Variants in PTPRJ observed in about 807,000 individuals in gnomAD.
PTPRJ encodes the protein protein tyrosine phosphatase receptor type J.
PTPRJ carries 129 observed loss-of-function variants against 141.3 expected under a neutral mutation model. The observed-to-expected ratio is 0.91, with a 90% CI of 0.79 to 1.06. The LOEUF is 1.06. Ranked by LOEUF, PTPRJ falls within the 50% of genes least tolerant of loss-of-function variation. PTPRJ has a pLI of 0.00. For synonymous variants in PTPRJ, 610 were observed against 640.5 expected, an observed-to-expected ratio of 0.95 and a Z score of 0.72; for missense variants, 1,601 against 1,679.7, an observed-to-expected ratio of 0.95 and a Z score of 0.82.
At chr11:48,066,791 G>A (rs1855096093) in intron 1 of PTPRJ, among the ~76,000 whole-genome samples, 1 of 151,770 alleles carries the variant, frequency 6.6e-6, no homozygotes, top group Non-Finnish European at 1.5e-5. Flanking sequence ...TCACCATGTT[G>A]GCCAGGCTCA....
chr11:48,026,439 G>C (rs1343060607), intron 1 of PTPRJ, among the ~76,000 whole-genome samples: 1 of 151,940 alleles, frequency 6.6e-6, no homozygotes, highest in Non-Finnish European at 1.5e-5. Flanking sequence ...CTGTCTTCCT[G>C]CTGTGGCCAT....
At chr11:47,998,462 A>G (rs1323277878) in intron 1 of PTPRJ, among the ~76,000 whole-genome samples, 1 of 152,182 alleles carries the variant, frequency 6.6e-6, no homozygotes, top group African/African-American at 2.4e-5. Flanking sequence ...TATCACGCCC[A>G]TTTTAGAGAT....
At chr11:48,120,675 G>A (rs931040798) in intron 3 of PTPRJ, among the ~76,000 whole-genome samples, 9 of 151,984 alleles carry the variant, frequency 5.9e-5, no homozygotes, top group African/African-American at 1.9e-4. Context: ...CTGACCTCAG[G>A]TGATCCACCC....
intron 4 of PTPRJ, 120 bp downstream of exon 4, chr11:48,121,386 G>A: frequency 9.1e-7 from 1 of 1,102,856 alleles, no homozygotes; most frequent in Non-Finnish European, 1.3e-6. Context: ...TAGAAGAGGA[G>A]AAAAGGTGCT....
chr11:48,144,723 A>G lies in PTPRJ; in HGVS notation c.2624A>G (p.Lys875Arg). Residue 875 changes from lysine to arginine, a missense_variant, in exon 13 of 25, where the codon AAA (lysine) becomes AGA (arginine). Transcript: ENST00000418331. ...CTGAAATACACGTATGAGGATTTCA[A>G]AAAGGGAGCCTCAGATACTTATGTG... ...DVLKYTYEDF[K>R]KGASDTYVTY... 1.2e-6 allele frequency: 2 copies of G among 1,614,182 alleles called. No individual in the cohort carries two copies. The highest frequency in any genetic ancestry group is 2.2e-5 in the East Asian group (1 of 44,882).
At position 48,091,381 on chromosome 11, in the gene PTPRJ, A is replaced by G. The variant is rs1855862705; in HGVS notation, c.97-18677A>G. On this transcript the variant is annotated intron_variant, in intron 1 of 24. Transcript: ENST00000418331. ...CCCTAATATCATTACTATCCCAGAT[A>G]TGCATTTTCTTGTTATTTCCCTGTT... Among the ~76,000 whole-genome samples the G allele has an allele frequency of 2.0e-5, 3 of 152,292 alleles. No individual in the cohort carries two copies. The South Asian group carries it at 6.2e-4, about 32-fold the overall frequency.
chr11:48,089,638 T>C (rs1855815719), intron 1 of PTPRJ, among the ~76,000 whole-genome samples: 1 of 152,226 alleles, frequency 6.6e-6, no homozygotes, highest in Non-Finnish European at 1.5e-5. Flanking sequence ...AAAAATGTGT[T>C]AAAAAATGTA....
At chr11:48,053,151 A>AAT (rs1293299699) in intron 1 of PTPRJ, among the ~76,000 whole-genome samples, 1 of 114,546 alleles carries the variant, frequency 8.7e-6, no homozygotes, top group Non-Finnish European at 1.7e-5. Context: ...TATAAAAATA[A>AAT]ATATATATTA....
At chr11:48,065,165 C>T (rs1855052218) in intron 1 of PTPRJ, among the ~76,000 whole-genome samples, 1 of 151,856 alleles carries the variant, frequency 6.6e-6, no homozygotes, top group Non-Finnish European at 1.5e-5. Context: ...CAGGCATGCA[C>T]CACCATGCCT....
chr11:48,013,919 G>A (rs1056962029), intron 1 of PTPRJ, among the ~76,000 whole-genome samples: 2 of 151,220 alleles, frequency 1.3e-5, no homozygotes, highest in African/African-American at 4.8e-5. Flanking sequence ...ATGTGGCCCT[G>A]GGGGTTGGCT....
chr11:47,999,858 T>C (rs1184866154), intron 1 of PTPRJ, among the ~76,000 whole-genome samples: 3 of 126,522 alleles, frequency 2.4e-5, no homozygotes, highest in Admixed American at 1.4e-4. Context: ...CATGCCGAGA[T>C]TCTTCTTTTT....
intron 1 of PTPRJ, among the ~76,000 whole-genome samples, chr11:48,000,353 C>T (rs1051353586): frequency 5.3e-5 from 8 of 151,408 alleles, no homozygotes; most frequent in African/African-American, 1.7e-4. Flanking sequence ...ACTATGTTGC[C>T]ACAGCTGGCC....
intron 1 of PTPRJ, among the ~76,000 whole-genome samples, chr11:48,098,380 C>T (rs1856068904): frequency 6.6e-6 from 1 of 152,222 alleles, no homozygotes; most frequent in African/African-American, 2.4e-5. Context: ...TATGCCGAGG[C>T]TCACAGAGTG....
At chr11:48,017,679 T>C (rs11039491) in intron 1 of PTPRJ, among the ~76,000 whole-genome samples, 2 of 152,310 alleles carry the variant, frequency 1.3e-5, no homozygotes, top group East Asian at 3.9e-4. Context: ...CTCTCTGCTC[T>C]TCTACCTGCA....
At chr11:48,161,614 C>CT (rs1199906817) in intron 22 of PTPRJ, among the ~76,000 whole-genome samples, 2 of 150,748 alleles carry the variant, frequency 1.3e-5, no homozygotes, top group South Asian at 2.1e-4. Flanking sequence ...CTTTTCTTTT[C>CT]TTTTTTTTCT....
chr11:47,982,494 C>G (rs191414252), intron 1 of PTPRJ, among the ~76,000 whole-genome samples: 220 of 152,160 alleles, frequency 1.4e-3, no homozygotes, highest in Non-Finnish European at 2.5e-3. Flanking sequence ...TTCTCCCTGT[C>G]CATGTAAGGA....
At chr11:48,143,090 A>G (rs1857273620) in intron 12 of PTPRJ, 40 bp downstream of exon 12, 1 of 1,609,766 alleles carries the variant, frequency 6.2e-7, no homozygotes, top group African/African-American at 1.3e-5. Context: ...CCCATGAGTG[A>G]TGCAGTGACC....
chr11:48,078,308 A>G (rs535589102), intron 1 of PTPRJ, among the ~76,000 whole-genome samples: 19 of 152,116 alleles, frequency 1.2e-4, no homozygotes, highest in Non-Finnish European at 2.1e-4. Context: ...TCCACCCACC[A>G]TGGCCTCCCA....
At chr11:48,124,092 TGAAACTTTTTAGAG>T (rs1437067898) in intron 5 of PTPRJ, among the ~76,000 whole-genome samples, 6 of 152,304 alleles carry the variant, frequency 3.9e-5, no homozygotes, top group African/African-American at 1.4e-4. Context: ...CAATAGGAAT[TGAAACTTTTTAGAG>T]TCTGGCACCC....
Sources: allele counts gnomAD v4.1 joint callset (sites outside exome capture counted in the v4.1 genomes callset), GRCh38; gene constraint gnomAD v4.1.1; transcripts MANE v1.5; gene names NCBI Gene and HGNC (gene_info 2026-07-23, HGNC 2026-07-21).